Variants in EPHB1 observed in about 807,000 individuals in gnomAD.
EPHB1 encodes the protein EPH receptor B1.
EPHB1 carries 30 observed loss-of-function variants against 94.4 expected under a neutral mutation model. The observed-to-expected ratio is 0.32, with a 90% CI of 0.24 to 0.43. The LOEUF is 0.43. Among genes scored for constraint, EPHB1 ranks in the 20% least tolerant of loss-of-function variants. The probability of loss-of-function intolerance (pLI) is 1.00; values close to 1 mark genes in which losing one functional copy is unlikely to be tolerated. For synonymous variants in EPHB1, 522 were observed against 489.1 expected, an observed-to-expected ratio of 1.07 and a Z score of -0.89; for missense variants, 1,055 against 1,308.3, an observed-to-expected ratio of 0.81 and a Z score of 2.99.
At chr3:135,193,829 C>T (rs922480468) in intron 11 of EPHB1, among the ~76,000 whole-genome samples, 13 of 152,214 alleles carry the variant, frequency 8.5e-5, no homozygotes, top group Admixed American at 4.6e-4. Flanking sequence ...CAAATCATCC[C>T]CAAGACCTCA....
At chr3:134,872,144 G>A (rs184609855) in intron 1 of EPHB1, among the ~76,000 whole-genome samples, 1 of 152,320 alleles carries the variant, frequency 6.6e-6, no homozygotes, top group African/African-American at 2.4e-5. Context: ...CTCACCTGAT[G>A]TCTGAGAATA....
chr3:135,112,080 G>A (rs1468413224), intron 4 of EPHB1, among the ~76,000 whole-genome samples: 1 of 152,258 alleles, frequency 6.6e-6, no homozygotes. Flanking sequence ...TGGAAACCAG[G>A]AAGCACAACG....
intron 3 of EPHB1, among the ~76,000 whole-genome samples, chr3:135,045,484 T>C (rs1936974013): frequency 6.6e-6 from 1 of 152,222 alleles, no homozygotes; most frequent in Non-Finnish European, 1.5e-5. Flanking sequence ...CAAGCTGAAC[T>C]AGCCAATTCT....
chr3:134,882,903 A>T (rs1046484570), intron 1 of EPHB1, among the ~76,000 whole-genome samples: 2 of 150,886 alleles, frequency 1.3e-5, no homozygotes, highest in African/African-American at 4.9e-5. Flanking sequence ...GCTCACTGCA[A>T]CCTCTGCCTC....
intron 3 of EPHB1, among the ~76,000 whole-genome samples, chr3:135,004,646 C>A (rs1181155388): frequency 2.0e-5 from 3 of 151,710 alleles, no homozygotes; most frequent in East Asian, 3.9e-4. Flanking sequence ...TTCTTGGAGG[C>A]TTTGCTCGTT....
intron 3 of EPHB1, among the ~76,000 whole-genome samples, chr3:135,079,864 A>G (rs1938096510): frequency 6.6e-6 from 1 of 151,448 alleles, no homozygotes; most frequent in African/African-American, 2.4e-5. Context: ...AGCTATCTCC[A>G]TTCTCTAATG....
chr3:134,806,142 ACTCT>A (rs2036038643), intron 1 of EPHB1, among the ~76,000 whole-genome samples: 1 of 152,184 alleles, frequency 6.6e-6, no homozygotes, highest in African/African-American at 2.4e-5. Flanking sequence ...AATATTTTAT[ACTCT>A]TCCTATCAAA....
At chr3:134,909,590 T>C (rs771591818) in intron 1 of EPHB1, among the ~76,000 whole-genome samples, 1 of 152,186 alleles carries the variant, frequency 6.6e-6, no homozygotes, top group Non-Finnish European at 1.5e-5. Context: ...ATGTCCAAGC[T>C]GAAAGACACA....
At chr3:134,800,324 A>G (rs182345497) in intron 1 of EPHB1, among the ~76,000 whole-genome samples, 42 of 152,334 alleles carry the variant, frequency 2.8e-4, no homozygotes, top group East Asian at 5.8e-4. Flanking sequence ...ATATGTTTAT[A>G]TTACTAAATT....
chr3:135,034,547 T>G (rs1158659089), intron 3 of EPHB1, among the ~76,000 whole-genome samples: 1 of 152,262 alleles, frequency 6.6e-6, no homozygotes, highest in African/African-American at 2.4e-5. Flanking sequence ...GATTAGAGGC[T>G]GAAAACCCAT....
At position 135,074,382 on chromosome 3, in the gene EPHB1, GT is replaced by G. The variant is rs886824983; in HGVS notation, c.806-32057del. Among the ~76,000 whole-genome samples the G allele has an allele frequency of 1.8e-4, 27 of 151,596 alleles. 1 individual carries two copies. The highest frequency in any genetic ancestry group is 6.6e-4 in the Admixed American group (10 of 15,206). On this transcript the variant is annotated intron_variant, in intron 3 of 15. Coordinates refer to ENST00000398015, the MANE Select transcript of EPHB1 (RefSeq NM_004441.5). ...TTTAGAATTGTCTCTAGGCTTTCAG[GT>G]TTTTTTTTCCTCCACTCCAGACTTT... is the stretch of plus-strand genomic sequence containing the variant.
At chr3:135,061,951 T>A (rs1310612247) in intron 3 of EPHB1, among the ~76,000 whole-genome samples, 1 of 152,256 alleles carries the variant, frequency 6.6e-6, no homozygotes, top group Non-Finnish European at 1.5e-5. Context: ...GGCTGCATAG[T>A]ATTCCATGGT....
chr3:134,941,748 CACAG>C lies in EPHB1; in HGVS notation c.124-9619_124-9616del, dbSNP rs1273237173. ...TTTGATAGCATGCTTTACATATGCACACAGACACACACACACACACACACACACA... is the reference window on the plus strand; with the variant it reads ...TTTGATAGCATGCTTTACATATGCACACACACACACACACACACACACACA... On this transcript the variant is annotated intron_variant, in intron 2 of 15. Transcript: ENST00000398015. 5.9e-4 allele frequency among the ~76,000 whole-genome samples: 68 copies of C among 114,382 alleles called. 1 individual carries two copies. Among genetic ancestry groups the C allele is most frequent in the East Asian group, 2.4e-3 (10 of 4,126 alleles). 75.0% of individuals were successfully genotyped at this position (114,382 alleles called of 152,430 possible).
intron 3 of EPHB1, among the ~76,000 whole-genome samples, chr3:135,040,865 A>G (rs1299270131): frequency 2.0e-5 from 3 of 152,214 alleles, no homozygotes; most frequent in Non-Finnish European, 2.9e-5. Context: ...GTGGATGAGG[A>G]GAAATCCGCC....
intron 3 of EPHB1, among the ~76,000 whole-genome samples, chr3:134,981,030 A>G (rs920277756): frequency 6.6e-6 from 1 of 152,220 alleles, no homozygotes; most frequent in Non-Finnish European, 1.5e-5. Flanking sequence ...GCACAGGGCA[A>G]GCAGGGTATC....
chr3:134,958,727 C>G (rs1256098533), intron 3 of EPHB1, among the ~76,000 whole-genome samples: 20 of 152,152 alleles, frequency 1.3e-4, no homozygotes, highest in Admixed American at 1.3e-3. Context: ...CCCAGCGACC[C>G]CCAGAGAGGA....
At chr3:134,840,250 C>T (rs1178613110) in intron 1 of EPHB1, among the ~76,000 whole-genome samples, 1 of 152,150 alleles carries the variant, frequency 6.6e-6, no homozygotes, top group Admixed American at 6.5e-5. Context: ...TTGTGGTTGA[C>T]CTACAGAAGG....
At chr3:134,873,931 C>CA (rs1469598542) in intron 1 of EPHB1, among the ~76,000 whole-genome samples, 1 of 152,042 alleles carries the variant, frequency 6.6e-6, no homozygotes, top group Admixed American at 6.5e-5. Flanking sequence ...CTCAGGTTAG[C>CA]AAGGAGAGAC....
chr3:135,083,421 T>C (rs917854353), intron 3 of EPHB1, among the ~76,000 whole-genome samples: 12 of 151,314 alleles, frequency 7.9e-5, no homozygotes, highest in Non-Finnish European at 1.6e-4. Context: ...CTGGTGACAG[T>C]TGGATGTGGG....
Sources: allele counts gnomAD v4.1 joint callset (sites outside exome capture counted in the v4.1 genomes callset), GRCh38; gene constraint gnomAD v4.1.1; transcripts MANE v1.5; gene names NCBI Gene and HGNC (gene_info 2026-07-23, HGNC 2026-07-21).